MSRB3: variants seen among roughly 807,000 people sequenced by gnomAD.
MSRB3 encodes the protein methionine-R-sulfoxide reductase B3.
Under a neutral mutation model 21.0 loss-of-function variants are expected in MSRB3, and 13 were observed. The ratio of observed to expected loss-of-function variants is 0.62; its 90% CI spans 0.40 to 0.98. The LOEUF is 0.98. MSRB3 is among the 50% of genes least tolerant of loss of function. The pLI, the probability that MSRB3 is intolerant of heterozygous loss-of-function variation, is 0.00. For synonymous variants in MSRB3, 87 were observed against 88.6 expected, an observed-to-expected ratio of 0.98 and a Z score of 0.10; for missense variants, 199 against 230.3, an observed-to-expected ratio of 0.86 and a Z score of 0.88.
rs114093856 is a variant in MSRB3, at chr12:65,368,465, G to C, written c.264-533G>C. 2.7e-3 allele frequency among the ~76,000 whole-genome samples: 417 copies of C among 152,226 alleles called. 3 individuals carry two copies. The highest frequency in any genetic ancestry group is 9.4e-3 in the African/African-American group (391 of 41,534). On this transcript the variant is annotated intron_variant, in intron 4 of 6. Coordinates refer to ENST00000308259, the MANE Select transcript of MSRB3 (RefSeq NM_001031679.3). ...CACAGCCGAACTGAGAGCTTCAAAG[G>C]CTTCTGAATTTACAACCAGTATTAA...
At chr12:65,369,954 A>G (rs1878227167) in intron 5 of MSRB3, among the ~76,000 whole-genome samples, 2 of 152,218 alleles carry the variant, frequency 1.3e-5, no homozygotes, top group African/African-American at 4.8e-5. Flanking sequence ...TTTTGATAGT[A>G]GTGTTAAGGA....
intron 5 of MSRB3, among the ~76,000 whole-genome samples, chr12:65,394,943 G>T (rs377014558): frequency 6.6e-6 from 1 of 152,064 alleles, no homozygotes; most frequent in Non-Finnish European, 1.5e-5. Context: ...TATGAAAACC[G>T]ACAGCTAATG....
At chr12:65,404,017 G>A (rs892860121) in intron 5 of MSRB3, among the ~76,000 whole-genome samples, 8 of 152,188 alleles carry the variant, frequency 5.3e-5, no homozygotes, top group East Asian at 1.9e-4. Flanking sequence ...CATTGATCTC[G>A]CTGGAAGCTG....
At chr12:65,401,464 A>G (rs1024563779) in intron 5 of MSRB3, among the ~76,000 whole-genome samples, 1 of 152,178 alleles carries the variant, frequency 6.6e-6, no homozygotes, top group African/African-American at 2.4e-5. Flanking sequence ...TTTGCTTGGT[A>G]AATCTTCCTC....
At chr12:65,361,598 C>T (rs1877710051) in intron 4 of MSRB3, among the ~76,000 whole-genome samples, 1 of 152,006 alleles carries the variant, frequency 6.6e-6, no homozygotes, top group Non-Finnish European at 1.5e-5. Context: ...AATTTGTTCT[C>T]CCAGATATTA....
rs149083930 is a variant in MSRB3 at position 65,400,207 on chromosome 12, A to C, written c.292+31181A>C. ...AGCTCCTGTTTGTACCTCTGGTAGA[A>C]TTCATCAGTGAATCCATCTGGTCCT... is the stretch of plus-strand genomic sequence containing the variant. On this transcript the variant is annotated intron_variant, in intron 5 of 6. Transcript: ENST00000308259. 1.8e-3 allele frequency among the ~76,000 whole-genome samples: 272 copies of C among 149,570 alleles called. 11 individuals carry two copies. The East Asian group carries it at 0.045, about 25-fold the overall frequency.
At chr12:65,361,362 G>A (rs1404631324) in intron 4 of MSRB3, among the ~76,000 whole-genome samples, 1 of 152,018 alleles carries the variant, frequency 6.6e-6, no homozygotes, top group Non-Finnish European at 1.5e-5. Flanking sequence ...GGGAGAGCTG[G>A]GACTTAGCTT....
rs1041599374 is a variant in MSRB3, at chr12:65,352,549, G to A, written c.264-16449G>A. On this transcript the variant is annotated intron_variant, in intron 4 of 6. Transcript: ENST00000308259. ...GTCCCTGTTTGCAGACGACATGATT[G>A]TATATCTAGAAAACCCCATTGTCTC... 8.0e-3 allele frequency among the ~76,000 whole-genome samples: 1,212 copies of A among 151,734 alleles called. 18 individuals carry two copies. Among genetic ancestry groups the A allele is most frequent in the African/African-American group, 0.028 (1,171 of 41,240 alleles).
At chr12:65,353,521 T>C (rs1877174702) in intron 4 of MSRB3, among the ~76,000 whole-genome samples, 1 of 152,190 alleles carries the variant, frequency 6.6e-6, no homozygotes, top group South Asian at 2.1e-4. Context: ...GTTTAAAGTC[T>C]GTTTTATCAG....
intron 1 of MSRB3, among the ~76,000 whole-genome samples, chr12:65,293,293 C>A (rs147373356): frequency 6.6e-6 from 1 of 152,186 alleles, no homozygotes; most frequent in Admixed American, 6.5e-5. Flanking sequence ...CATTTTCCAC[C>A]TTTTAGTCAT....
At chr12:65,309,955 A>T (rs1873890082) in intron 2 of MSRB3, among the ~76,000 whole-genome samples, 1 of 152,132 alleles carries the variant, frequency 6.6e-6, no homozygotes, top group Admixed American at 6.6e-5. Context: ...AGTCTTGGGG[A>T]GATGAACAGG....
rs10657740 is a variant in MSRB3 at position 65,463,831 on chromosome 12, A to AT, written c.*520dup. ...TTTGTGGAAAGTTTGAGCTAAGGTC[A>AT]TTTTTTTTTTTCTCACTGAAAGGGT... On this transcript the variant is annotated 3_prime_UTR_variant, in exon 7 of 7. Transcript: ENST00000308259. 0.48 allele frequency: 73,910 copies of AT among 152,796 alleles called. 18,028 individuals carry two copies. The highest frequency in any genetic ancestry group is 0.61 in the African/African-American group (24,866 of 40,792). The allele number at this position is 152,796 out of a possible 1,614,324, so 9.5% of individuals were successfully genotyped here.
In MSRB3 at chr12:65,396,696, A is replaced by AGAAAG. The variant is rs1555209314; in HGVS notation, c.292+27670_292+27671insGAAAG. ...ACAAGAGTGAAACTCCATCTCAAAA[A>AGAAAG]AAAAAAAAAAAGAAAGAAAGAAAGA... On this transcript the variant is annotated intron_variant, in intron 5 of 6. Transcript: ENST00000308259. Among the ~76,000 whole-genome samples, 16 of 23,526 alleles carry AGAAAG rather than the reference A, an allele frequency of 6.8e-4. 1 individual carries two copies. Among genetic ancestry groups the AGAAAG allele is most frequent in the African/African-American group, 1.8e-3 (15 of 8,208 alleles). 15.4% of individuals were successfully genotyped at this position (23,526 alleles called of 152,430 possible).
chr12:65,306,545 C>G (rs915206370), intron 1 of MSRB3, among the ~76,000 whole-genome samples: 1 of 152,150 alleles, frequency 6.6e-6, no homozygotes, highest in African/African-American at 2.4e-5. Context: ...GAAACACATT[C>G]TTTTAGGATT....
intron 5 of MSRB3, among the ~76,000 whole-genome samples, chr12:65,399,849 A>T (rs758450598): frequency 6.6e-6 from 1 of 152,180 alleles, no homozygotes; most frequent in South Asian, 2.1e-4. Flanking sequence ...TTCTGCATCT[A>T]TTGAGATAAT....
Position 65,424,973 on chromosome 12 carries a change from T to TTA in MSRB3, c.293-28739_293-28738dup, listed in dbSNP as rs149024921. On this transcript the variant is annotated intron_variant, in intron 5 of 6. Transcript: ENST00000308259. ...CCCTTCATTTGTATCAATATTTGCT[T>TTA]TATATATATATATATATCTCAATAT... 2.0e-3 allele frequency among the ~76,000 whole-genome samples: 98 copies of TTA among 47,864 alleles called. 2 individuals are homozygous for TTA. In the South Asian group the frequency reaches 0.041, roughly 20 times the overall value. The allele number at this position is 47,864 out of a possible 152,430, so 31.4% of individuals were successfully genotyped here. A position where few individuals can be genotyped will look rare whatever the true frequency, so the allele number is the denominator to read the frequency against.
chr12:65,453,102 G>T (rs1192129608), intron 5 of MSRB3, among the ~76,000 whole-genome samples: 4 of 152,194 alleles, frequency 2.6e-5, no homozygotes, highest in Non-Finnish European at 5.9e-5. Flanking sequence ...GTGCTGCCCA[G>T]AGATGTCTGA....
intron 6 of MSRB3, among the ~76,000 whole-genome samples, chr12:65,460,916 C>T (rs1218434369): frequency 6.6e-6 from 1 of 152,098 alleles, no homozygotes; most frequent in Non-Finnish European, 1.5e-5. Context: ...GAAATTAAGA[C>T]CATATAACTC....
At chr12:65,396,691 CAAAAAAAAA>C (rs747120558) in intron 5 of MSRB3, among the ~76,000 whole-genome samples, 4,739 of 23,034 alleles carry the variant, frequency 0.21, 142 homozygotes, top group Non-Finnish European at 0.31. Flanking sequence ...AACTCCATCT[CAAAAAAAAA>C]AAAAAAAGAA....
Sources: gnomAD v4.1 joint callset for allele counts (sites outside exome capture counted in the v4.1 genomes callset) on GRCh38, gnomAD v4.1.1 for gene constraint, MANE v1.5 for transcripts, NCBI Gene and HGNC (gene_info 2026-07-23, HGNC 2026-07-21) for gene names.